Variants in SNX29 observed in about 807,000 individuals in gnomAD.
The protein encoded by SNX29 is sorting nexin 29, also known as sorting nexin-29.
A neutral mutation model predicts 102.1 loss-of-function variants in SNX29; 78 were observed. That is an observed-to-expected ratio of 0.76 (90% CI 0.64 to 0.92). SNX29 has a LOEUF of 0.92. Ranked by LOEUF, SNX29 falls within the 40% of genes least tolerant of loss-of-function variation. The pLI is 0.00. For synonymous variants in SNX29, 580 were observed against 414.5 expected, an observed-to-expected ratio of 1.40 and a Z score of -4.85; for missense variants, 1,280 against 1,061.7, an observed-to-expected ratio of 1.21 and a Z score of -2.86.
intron 18 of SNX29, among the ~76,000 whole-genome samples, chr16:12,438,747 CAGAAG>C (rs879499496): frequency 2.0e-5 from 3 of 152,218 alleles, no homozygotes; most frequent in Non-Finnish European, 4.4e-5. Flanking sequence ...ACATTAAAAT[CAGAAG>C]AGGTCACATT....
At chr16:12,154,122 T>TTCTC (rs2055425742) in intron 13 of SNX29, among the ~76,000 whole-genome samples, 1 of 152,166 alleles carries the variant, frequency 6.6e-6, no homozygotes, top group African/African-American at 2.4e-5. Flanking sequence ...CCTACCTTCC[T>TTCTC]TCTCTTTCCT....
At chr16:12,068,935 G>A (rs1188360277) in intron 9 of SNX29, 122 bp from the exon 10 acceptor site, 1 of 853,102 alleles carries the variant, frequency 1.2e-6, no homozygotes, top group Non-Finnish European at 1.9e-6. Context: ...CAGGAGAGAT[G>A]GAGAAAAATT....
intron 19 of SNX29, among the ~76,000 whole-genome samples, chr16:12,523,436 A>G (rs1301388202): frequency 6.6e-6 from 1 of 152,204 alleles, no homozygotes; most frequent in Non-Finnish European, 1.5e-5. Flanking sequence ...CAGAAGGAGC[A>G]TGACGGTCTC....
At chr16:12,121,739 C>A (rs1322593590) in intron 11 of SNX29, among the ~76,000 whole-genome samples, 1 of 152,202 alleles carries the variant, frequency 6.6e-6, no homozygotes, top group East Asian at 1.9e-4. Flanking sequence ...GAGGAGCCTC[C>A]AGCCAGGGGT....
At chr16:12,382,306 A>G (rs994796691) in intron 16 of SNX29, among the ~76,000 whole-genome samples, 1 of 152,220 alleles carries the variant, frequency 6.6e-6, no homozygotes, top group Non-Finnish European at 1.5e-5. Context: ...TAGCAGAGTC[A>G]TGGTGTGAAC....
At chr16:12,417,827 T>G (rs972121432) in intron 18 of SNX29, among the ~76,000 whole-genome samples, 5 of 152,122 alleles carry the variant, frequency 3.3e-5, no homozygotes, top group Non-Finnish European at 7.4e-5. Context: ...AGGAAATTCA[T>G]AATTTCCTGC....
At chr16:12,399,468 G>T (rs572245091) in intron 17 of SNX29, among the ~76,000 whole-genome samples, 1 of 152,196 alleles carries the variant, frequency 6.6e-6, no homozygotes, top group Non-Finnish European at 1.5e-5. Flanking sequence ...TTCAGCACCC[G>T]TTGGGAAGAA....
chr16:12,511,026 G>A (rs1286197990), intron 19 of SNX29, among the ~76,000 whole-genome samples: 2 of 151,932 alleles, frequency 1.3e-5, no homozygotes, highest in African/African-American at 2.4e-5. Flanking sequence ...GTGCCATTTC[G>A]GCTCACTGCA....
chr16:12,482,722 C>G (rs2088004916), intron 19 of SNX29, among the ~76,000 whole-genome samples: 1 of 152,226 alleles, frequency 6.6e-6, no homozygotes, highest in African/African-American at 2.4e-5. Context: ...TTTAGCCTTT[C>G]TCATTTGTCA....
At chr16:12,234,719 G>C (rs910292774) in intron 14 of SNX29, among the ~76,000 whole-genome samples, 5 of 152,116 alleles carry the variant, frequency 3.3e-5, no homozygotes, top group Admixed American at 1.3e-4. Flanking sequence ...AGGTTTTGGG[G>C]GTTGTTGGTT....
intron 15 of SNX29, among the ~76,000 whole-genome samples, chr16:12,298,270 G>A (rs1467942858): frequency 3.9e-5 from 6 of 152,160 alleles, no homozygotes; most frequent in Non-Finnish European, 8.8e-5. Context: ...AATTCATAAT[G>A]CAATGAATAA....
chr16:12,327,430 G>A (rs149359647), intron 15 of SNX29, among the ~76,000 whole-genome samples: 1 of 151,978 alleles, frequency 6.6e-6, no homozygotes, highest in African/African-American at 2.4e-5. Flanking sequence ...CAAGGTGTCG[G>A]CAGGGTTGTT....
At chr16:12,327,085 G>C (rs1010441903) in intron 15 of SNX29, among the ~76,000 whole-genome samples, 1 of 152,126 alleles carries the variant, frequency 6.6e-6, no homozygotes, top group African/African-American at 2.4e-5. Flanking sequence ...ACCCCTCTTC[G>C]TGGGTCCCTT....
At chr16:12,542,870 A>C (rs906788614) in intron 20 of SNX29, among the ~76,000 whole-genome samples, 3 of 152,012 alleles carry the variant, frequency 2.0e-5, no homozygotes, top group Non-Finnish European at 2.9e-5. Flanking sequence ...TAAATGTCTG[A>C]GTCTCTAGAG....
At chr16:12,539,485 A>C (rs995386713) in intron 20 of SNX29, among the ~76,000 whole-genome samples, 1 of 152,234 alleles carries the variant, frequency 6.6e-6, no homozygotes, top group Non-Finnish European at 1.5e-5. Flanking sequence ...TTATCTAGTC[A>C]TAAAGGAATA....
At chr16:12,299,698 C>G (rs2080099393) in intron 15 of SNX29, among the ~76,000 whole-genome samples, 1 of 151,320 alleles carries the variant, frequency 6.6e-6, no homozygotes, top group Non-Finnish European at 1.5e-5. Context: ...CTGCCTCTTC[C>G]CTCCCTTTCC....
rs534711709 is a variant in SNX29, at chr16:12,493,720, T to C, written c.2178+15861T>C. On this transcript the variant is annotated intron_variant, in intron 19 of 20. Coordinates refer to ENST00000566228, the MANE Select transcript of SNX29 (RefSeq NM_032167.5). ...GATTGTCCTGCCTCAGCCTCCCAAG[T>C]AGCTGGGACTATAGGCGCATGCCAC... Among the ~76,000 whole-genome samples, 15 of 152,280 alleles carry C rather than the reference T, an allele frequency of 9.9e-5. No individual in the cohort carries two copies. In the East Asian group the frequency reaches 2.7e-3, roughly 27 times the overall value.
At chr16:12,393,388 T>G (rs1476087848) in intron 16 of SNX29, among the ~76,000 whole-genome samples, 1 of 118,564 alleles carries the variant, frequency 8.4e-6, no homozygotes, top group Non-Finnish European at 2.0e-5. Context: ...TATGATTCAT[T>G]CATTCATGCA....
intron 18 of SNX29, among the ~76,000 whole-genome samples, chr16:12,414,121 A>T (rs2084525068): frequency 6.6e-6 from 1 of 152,228 alleles, no homozygotes; most frequent in South Asian, 2.1e-4. Context: ...GTGCATGTTC[A>T]GTAGAGATGC....
Sources: gnomAD v4.1 joint callset for allele counts (sites outside exome capture counted in the v4.1 genomes callset) on GRCh38, gnomAD v4.1.1 for gene constraint, MANE v1.5 for transcripts, NCBI Gene and HGNC (gene_info 2026-07-23, HGNC 2026-07-21) for gene names.